The following ZNF106 variants were observed in gnomAD, a reference collection of about 807,000 sequenced individuals.
The protein encoded by ZNF106 is zinc finger protein 106.
A neutral mutation model predicts 195.1 loss-of-function variants in ZNF106; 67 were observed. The ratio of observed to expected loss-of-function variants is 0.34; its 90% CI spans 0.28 to 0.42. ZNF106 has a LOEUF of 0.42. Ranked by LOEUF, ZNF106 falls within the 10% of genes least tolerant of loss-of-function variation. ZNF106 has a pLI of 1.00. For missense variants in ZNF106, 2,118 were observed against 2,304.5 expected (o/e 0.92, Z 1.66); for synonymous variants, 784 against 818.6 (o/e 0.96, Z 0.72).
chr15:42,433,747 T>C (rs1369048081), intron 14 of ZNF106, among the ~76,000 whole-genome samples: 1 of 152,170 alleles, frequency 6.6e-6, no homozygotes, highest in African/African-American at 2.4e-5. Context: ...CTTTTAGTAA[T>C]TACTCTAGGG....
intron 20 of ZNF106, among the ~76,000 whole-genome samples, chr15:42,418,533 T>TTTTC (rs1491340668): frequency 4.0e-5 from 3 of 75,272 alleles, no homozygotes; most frequent in African/African-American, 3.0e-4. Flanking sequence ...GGCCAGTTAA[T>TTTTC]TTTTTTTTTT....
chr15:42,476,942 CAT>C (rs772599525), intron 1 of ZNF106, among the ~76,000 whole-genome samples: 4 of 152,086 alleles, frequency 2.6e-5, no homozygotes, highest in Non-Finnish European at 4.4e-5. Flanking sequence ...TTAATTAACT[CAT>C]GTTATCAGTA....
chr15:42,447,954 C>G, intron 6 of ZNF106, 118 bp downstream of exon 6: 1 of 1,204,644 alleles, frequency 8.3e-7, no homozygotes, highest in Non-Finnish European at 1.2e-6. Context: ...CACAATTCTT[C>G]TAGAAGTTGA....
At chr15:42,447,001 TAGTTTCTACTTTAAA>T (rs2055798968) in intron 6 of ZNF106, among the ~76,000 whole-genome samples, 1 of 152,272 alleles carries the variant, frequency 6.6e-6, no homozygotes, top group Non-Finnish European at 1.5e-5. Context: ...TAACTTGGCA[TAGTTTCTACTTTAAA>T]TTTCAGCAAG....
rs2141236788 is a variant in ZNF106, at chr15:42,413,461, G to A, written c.*3843C>T. The A allele has an allele frequency of 6.5e-6, 1 of 152,682 alleles. No individual in the cohort carries two copies. Among genetic ancestry groups the A allele is most frequent in the Admixed American group, 6.5e-5 (1 of 15,304 alleles). The allele number at this position is 152,682 out of a possible 1,614,324, so 9.5% of individuals were successfully genotyped here. A position where few individuals can be genotyped will look rare whatever the true frequency, so the allele number is the denominator to read the frequency against. On this transcript the variant is annotated 3_prime_UTR_variant, in exon 22 of 22. Transcript: ENST00000564754. Reference sequence around the variant, plus strand: ...AATTTAGATGTAAGCATAAACTGCAGTTATTTGAGCAAACCAGAGCATATG... The same window carrying A: ...AATTTAGATGTAAGCATAAACTGCAATTATTTGAGCAAACCAGAGCATATG...
chr15:42,480,739 C>T (rs2056881603), intron 1 of ZNF106, among the ~76,000 whole-genome samples: 1 of 152,294 alleles, frequency 6.6e-6, no homozygotes, highest in East Asian at 1.9e-4. Context: ...AATCCTAGCA[C>T]TTTGGGAGGC....
At chr15:42,454,234 C>T (rs2056152389) in intron 4 of ZNF106, among the ~76,000 whole-genome samples, 2 of 152,196 alleles carry the variant, frequency 1.3e-5, no homozygotes, top group South Asian at 4.1e-4. Flanking sequence ...CAAACATCCA[C>T]TCATATTATA....
chr15:42,424,226 C>T (rs2054771091), intron 16 of ZNF106, 166 bp from the exon 17 acceptor site: 2 of 588,322 alleles, frequency 3.4e-6, no homozygotes, highest in Non-Finnish European at 6.1e-6. Flanking sequence ...AAACTTACAC[C>T]CCCCTACCAA....
intron 2 of ZNF106, among the ~76,000 whole-genome samples, chr15:42,471,486 T>G (rs897227100): frequency 6.6e-6 from 1 of 152,160 alleles, no homozygotes; most frequent in Non-Finnish European, 1.5e-5. Flanking sequence ...TCCTAGCACT[T>G]TGACAGGCCC....
At chr15:42,429,801 A>G (rs1286139951) in intron 14 of ZNF106, among the ~76,000 whole-genome samples, 1 of 152,076 alleles carries the variant, frequency 6.6e-6, no homozygotes, top group Non-Finnish European at 1.5e-5. Flanking sequence ...ATAGCAATAA[A>G]AAAGGAACAA....
chr15:42,417,979 G>T lies in ZNF106; in HGVS notation c.5518-28C>A, dbSNP rs17708630. Reference sequence around the variant, plus strand: ...GGAGAGAAAGAAAATGAGGAGACTCGGTGAAAAAGGGTGCAGTGAACGTGA... The same window carrying T: ...GGAGAGAAAGAAAATGAGGAGACTCTGTGAAAAAGGGTGCAGTGAACGTGA... On this transcript the variant is annotated intron_variant, in intron 20 of 21. Coordinates refer to ENST00000564754, the MANE Select transcript of ZNF106 (RefSeq NM_001366845.3). The T allele has an allele frequency of 5.2e-5, 83 of 1,602,948 alleles. No individual in the cohort carries two copies. The South Asian group carries it at 8.7e-4, about 17-fold the overall frequency.
chr15:42,422,393 TA>T, intron 18 of ZNF106, 107 bp downstream of exon 18: 1 of 1,392,318 alleles, frequency 7.2e-7, no homozygotes, highest in Non-Finnish European at 9.6e-7. Context: ...CTTGTGAAAA[TA>T]CAGATTCCTG....
chr15:42,424,778 C>T, intron 16 of ZNF106, 56 bp downstream of exon 16: 1 of 1,558,646 alleles, frequency 6.4e-7, no homozygotes, highest in South Asian at 1.2e-5. Context: ...CCTCGCCTGG[C>T]CTCAAAACCC....
intron 4 of ZNF106, 128 bp from the exon 5 acceptor site, chr15:42,452,082 A>G: frequency 1.9e-5 from 18 of 964,202 alleles, no homozygotes; most frequent in Non-Finnish European, 2.5e-5. Flanking sequence ...GTCTGGTTTT[A>G]TATCTAATAG....
intron 1 of ZNF106, among the ~76,000 whole-genome samples, chr15:42,483,062 C>G (rs1426157924): frequency 6.6e-6 from 1 of 152,140 alleles, no homozygotes. Flanking sequence ...ATTTTAAGCA[C>G]CCTACATGAC....
At chr15:42,482,560 ACT>A (rs1456904593) in intron 1 of ZNF106, among the ~76,000 whole-genome samples, 8 of 110,634 alleles carry the variant, frequency 7.2e-5, no homozygotes, top group African/African-American at 2.6e-4. Flanking sequence ...ATGGAGTCTC[ACT>A]CTGTCACCCA....
chr15:42,437,338 T>A lies in ZNF106; in HGVS notation c.4640A>T (p.Glu1547Val), dbSNP rs570333627. ...AGCTTGGTGTCCCTCAAAGCTTCCT[T>A]CTGTGGGTTCATCATCATCTCCTGG... ...SEPGDDDEPTEGSFEGHQAAV... is the reference protein window; with the variant it reads ...SEPGDDDEPTVGSFEGHQAAV... The change falls in exon 13 of 22, where the codon GAA (glutamate) becomes GTA (valine). Residue 1547 changes from glutamate to valine, a missense_variant. Transcript: ENST00000564754. 8.7e-6 allele frequency: 14 copies of A among 1,614,128 alleles called. No individual in the cohort carries two copies. The East Asian group carries it at 3.1e-4, about 36-fold the overall frequency.
intron 4 of ZNF106, among the ~76,000 whole-genome samples, chr15:42,453,898 A>T (rs1038935644): frequency 1.3e-5 from 2 of 152,036 alleles, no homozygotes; most frequent in Admixed American, 6.6e-5. Flanking sequence ...TATTATTCCT[A>T]CTTTATAGAT....
At position 42,417,276 on chromosome 15, in the gene ZNF106, G is replaced by T; in HGVS notation, c.*28C>A. The T allele has an allele frequency of 6.2e-7, 1 of 1,613,536 alleles. No individual in the cohort carries two copies. Among genetic ancestry groups the T allele is most frequent in the South Asian group, 1.1e-5 (1 of 90,990 alleles). The stretch of plus-strand genomic sequence containing the variant: ...CCAATGTGAAAATAGTTCAACTAAT[G>T]ACTTCCCAACGTGGGAGGCAAAAAA... On this transcript the variant is annotated 3_prime_UTR_variant, in exon 22 of 22. Transcript: ENST00000564754.
Sources: gnomAD v4.1 joint callset for allele counts (sites outside exome capture counted in the v4.1 genomes callset) on GRCh38, gnomAD v4.1.1 for gene constraint, MANE v1.5 for transcripts, NCBI Gene and HGNC (gene_info 2026-07-23, HGNC 2026-07-21) for gene names.